LGR4: variants seen among roughly 807,000 people sequenced by gnomAD.
LGR4 encodes leucine-rich repeat-containing G protein-coupled receptor 4.
In LGR4, 44 loss-of-function variants were observed where a neutral mutation model predicts 84.8. The observed-to-expected ratio is 0.52, with a 90% CI of 0.41 to 0.67. The LOEUF (loss-of-function observed/expected upper bound fraction) is 0.67, where lower values mean the gene tolerates loss of function less well. Ranked by LOEUF, LGR4 falls within the 30% of genes least tolerant of loss-of-function variation. The probability of loss-of-function intolerance (pLI) is 0.00; values close to 1 mark genes in which losing one functional copy is unlikely to be tolerated. For missense variants in LGR4, 1,032 were observed against 1,131.4 expected, an observed-to-expected ratio of 0.91 and a Z score of 1.26; for synonymous variants, 429 against 434.3, an observed-to-expected ratio of 0.99 and a Z score of 0.15.
Position 27,366,267 on chromosome 11 carries a change from A to G in LGR4, c.*1600T>C, listed in dbSNP as rs1862763127. The G allele has an allele frequency of 6.6e-6, 1 of 152,592 alleles. No homozygotes were observed. The highest frequency in any genetic ancestry group is 6.5e-5 in the Admixed American group (1 of 15,284). 9.5% of individuals were successfully genotyped at this position (152,592 alleles called of 1,614,324 possible). A position where few individuals can be genotyped will look rare whatever the true frequency, so the allele number is the denominator to read the frequency against. ...CCTTCCCACATTTTATACAAACTAC[A>G]TGATTTTGATATACAAAGATTCTGT... On this transcript the variant is annotated 3_prime_UTR_variant, in exon 18 of 18. Transcript: ENST00000379214.
chr11:27,421,354 G>A (rs954490404), intron 1 of LGR4, among the ~76,000 whole-genome samples: 11 of 152,156 alleles, frequency 7.2e-5, no homozygotes, highest in African/African-American at 2.7e-4. Context: ...GCTTGTGTTA[G>A]CAAGTATGGG....
At position 27,415,978 on chromosome 11, in the gene LGR4, T is replaced by C. The variant is rs916241310; in HGVS notation, c.186-3118A>G. Among the ~76,000 whole-genome samples, 5 of 152,282 alleles carry C rather than the reference T, an allele frequency of 3.3e-5. No individual in the cohort carries two copies. In the South Asian group the frequency reaches 1.0e-3, roughly 32 times the overall value. The stretch of plus-strand genomic sequence containing the variant: ...TGACCTATGACAATAATTACAAATA[T>C]ATGAGGCTCAAAAGCCATATAAATT... On this transcript the variant is annotated intron_variant, in intron 1 of 17. Coordinates refer to ENST00000379214, the MANE Select transcript of LGR4 (RefSeq NM_018490.5).
intron 9 of LGR4, 23 bp downstream of exon 9, chr11:27,380,617 T>C: frequency 7.0e-7 from 1 of 1,434,602 alleles, no homozygotes. Flanking sequence ...TATCCAGGTT[T>C]GTTTTTAAAT....
At chr11:27,441,850 T>C (rs955422441) in intron 1 of LGR4, among the ~76,000 whole-genome samples, 1 of 152,142 alleles carries the variant, frequency 6.6e-6, no homozygotes, top group Non-Finnish European at 1.5e-5. Flanking sequence ...GGGGAGAGGA[T>C]GGCAGAAATC....
intron 17 of LGR4, 60 bp downstream of exon 17, chr11:27,371,555 G>T: frequency 8.8e-7 from 1 of 1,131,790 alleles, no homozygotes; most frequent in Non-Finnish European, 1.3e-6. Flanking sequence ...AGGACATTTA[G>T]ATATATTTGC....
At chr11:27,423,218 C>T (rs1863954604) in intron 1 of LGR4, among the ~76,000 whole-genome samples, 1 of 152,162 alleles carries the variant, frequency 6.6e-6, no homozygotes. Context: ...GCAAGAACAG[C>T]TCCAGTTTCT....
chr11:27,407,153 G>A (rs1006414799), intron 2 of LGR4, among the ~76,000 whole-genome samples: 4 of 152,090 alleles, frequency 2.6e-5, no homozygotes, highest in African/African-American at 7.2e-5. Context: ...CTGTAAAATG[G>A]TATGGCTAGA....
At chr11:27,400,924 T>C (rs77231190) in intron 2 of LGR4, among the ~76,000 whole-genome samples, 14,581 of 152,236 alleles carry the variant, frequency 0.096, 965 homozygotes, top group African/African-American at 0.18. Context: ...TTGCTATCAG[T>C]ATAAACCTCA....
chr11:27,461,616 T>C (rs978175016), intron 1 of LGR4, among the ~76,000 whole-genome samples: 31 of 149,232 alleles, frequency 2.1e-4, no homozygotes, highest in African/African-American at 7.5e-4. Context: ...AAAAACATTA[T>C]GGGATTTTTC....
At chr11:27,472,066 C>A in intron 1 of LGR4, 52 bp downstream of exon 1, 2 of 1,207,940 alleles carry the variant, frequency 1.7e-6, no homozygotes, top group Non-Finnish European at 2.1e-6. Flanking sequence ...CGGCGCCCCC[C>A]GCTGGGCCCC....
chr11:27,433,463 C>A (rs1350815598), intron 1 of LGR4, among the ~76,000 whole-genome samples: 1 of 151,486 alleles, frequency 6.6e-6, no homozygotes, highest in Admixed American at 6.6e-5. Flanking sequence ...CATCTCCTGA[C>A]CTTGTAATCT....
rs143580428 is a variant in LGR4 at position 27,374,418 on chromosome 11, G to A, written c.1182-372C>T. Among the ~76,000 whole-genome samples the A allele has an allele frequency of 1.4e-3, 207 of 152,196 alleles. 1 individual carries two copies. Among genetic ancestry groups the A allele is most frequent in the African/African-American group, 4.4e-3 (183 of 41,518 alleles). The stretch of plus-strand genomic sequence containing the variant: ...AAAGCTGAAAATAAAAACAGACTTC[G>A]TATTGTTTGCCTTCTCAAAGGTTAG... On this transcript the variant is annotated intron_variant, in intron 13 of 17. Coordinates refer to ENST00000379214, the MANE Select transcript of LGR4 (RefSeq NM_018490.5).
At chr11:27,415,518 G>A (rs1423338862) in intron 1 of LGR4, among the ~76,000 whole-genome samples, 1 of 152,088 alleles carries the variant, frequency 6.6e-6, no homozygotes, top group Non-Finnish European at 1.5e-5. Flanking sequence ...TAGTTTTGCT[G>A]TGAGCTGTAA....
intron 1 of LGR4, among the ~76,000 whole-genome samples, chr11:27,461,486 G>A (rs1864679892): frequency 6.6e-6 from 1 of 152,104 alleles, no homozygotes; most frequent in South Asian, 2.1e-4. Context: ...CAGCCAAATT[G>A]TCCATGATAA....
At chr11:27,463,435 G>C (rs1864720842) in intron 1 of LGR4, among the ~76,000 whole-genome samples, 1 of 152,156 alleles carries the variant, frequency 6.6e-6, no homozygotes, top group African/African-American at 2.4e-5. Context: ...GATGAAAACT[G>C]AGATTATGAT....
intron 1 of LGR4, among the ~76,000 whole-genome samples, chr11:27,431,371 C>T (rs775266095): frequency 6.6e-5 from 10 of 152,186 alleles, no homozygotes; most frequent in Non-Finnish European, 1.3e-4. Context: ...GCCCCTTATG[C>T]GTTCATGGTC....
chr11:27,366,361 C>T lies in LGR4; in HGVS notation c.*1506G>A, dbSNP rs1237990618. Reference sequence around the variant, plus strand: ...AAAAAGTATATAAACCACAATTTAACAGTCTGCTACTGGCAGCCACTATAG... The same window carrying T: ...AAAAAGTATATAAACCACAATTTAATAGTCTGCTACTGGCAGCCACTATAG... On this transcript the variant is annotated 3_prime_UTR_variant, in exon 18 of 18. Coordinates refer to ENST00000379214, the MANE Select transcript of LGR4 (RefSeq NM_018490.5). The T allele has an allele frequency of 6.6e-6, 1 of 152,536 alleles. No homozygotes were observed. The highest frequency in any genetic ancestry group is 1.5e-5 in the Non-Finnish European group (1 of 67,970). 9.4% of individuals were successfully genotyped at this position (152,536 alleles called of 1,614,324 possible). A position where few individuals can be genotyped will look rare whatever the true frequency, so the allele number is the denominator to read the frequency against.
chr11:27,445,644 C>T (rs1331324508), intron 1 of LGR4, among the ~76,000 whole-genome samples: 7 of 151,912 alleles, frequency 4.6e-5, no homozygotes, highest in South Asian at 4.2e-4. Context: ...TTTGGGAGGC[C>T]GAGTAGAAGG....
chr11:27,389,776 T>G (rs924371747), intron 4 of LGR4, among the ~76,000 whole-genome samples: 1 of 152,268 alleles, frequency 6.6e-6, no homozygotes, highest in Non-Finnish European at 1.5e-5. Context: ...CCTGTGTATA[T>G]CCACCCGAGG....
Sources: allele counts gnomAD v4.1 joint callset (sites outside exome capture counted in the v4.1 genomes callset), GRCh38; gene constraint gnomAD v4.1.1; transcripts MANE v1.5; gene names NCBI Gene and HGNC (gene_info 2026-07-23, HGNC 2026-07-21).